GALNT7: variants seen among roughly 807,000 people sequenced by gnomAD.
GALNT7 encodes the protein polypeptide N-acetylgalactosaminyltransferase 7, also known as N-acetylgalactosaminyltransferase 7.
Under a neutral mutation model 82.1 loss-of-function variants are expected in GALNT7, and 60 were observed. The ratio of observed to expected loss-of-function variants is 0.73; its 90% confidence interval spans 0.59 to 0.91. GALNT7 has a LOEUF of 0.91. GALNT7 is among the 40% of genes least tolerant of loss of function. The pLI, the probability that GALNT7 is intolerant of heterozygous loss-of-function variation, is 0.00. For missense variants in GALNT7, 660 were observed against 804.2 expected, an observed-to-expected ratio of 0.82 and a Z score of 2.17; for synonymous variants, 243 against 275.1, an observed-to-expected ratio of 0.88 and a Z score of 1.15.
chr4:173,202,003 T>G (rs1384706275), intron 1 of GALNT7, among the ~76,000 whole-genome samples: 1 of 152,248 alleles, frequency 6.6e-6, no homozygotes, highest in East Asian at 1.9e-4. Flanking sequence ...TATGGACTGT[T>G]CATTAGGAAG....
rs1461285992 is a variant in GALNT7, at chr4:173,285,390, TC to T, written c.588-6715del. On this transcript the variant is annotated intron_variant, in intron 2 of 11. Transcript: ENST00000265000. ...TAGGAGCATGGTCACTTCTATTTGT[TC>T]CCAGACCATACTAATTGTGAAGCAG... 2.6e-4 allele frequency among the ~76,000 whole-genome samples: 39 copies of T among 152,220 alleles called. 1 individual carries two copies. Among genetic ancestry groups the T allele is most frequent in the Admixed American group, 2.0e-3 (31 of 15,282 alleles).
At chr4:173,284,926 C>A (rs1044563315) in intron 2 of GALNT7, among the ~76,000 whole-genome samples, 1 of 152,042 alleles carries the variant, frequency 6.6e-6, no homozygotes, top group Non-Finnish European at 1.5e-5. Flanking sequence ...TATTTTATAA[C>A]CCTTTACAAG....
intron 1 of GALNT7, among the ~76,000 whole-genome samples, chr4:173,210,644 G>A (rs1306379816): frequency 6.6e-6 from 1 of 151,938 alleles, no homozygotes; most frequent in East Asian, 1.9e-4. Flanking sequence ...CGTTGCCCAA[G>A]CTGGTCTGGA....
At chr4:173,204,150 A>G (rs952216166) in intron 1 of GALNT7, among the ~76,000 whole-genome samples, 3 of 152,162 alleles carry the variant, frequency 2.0e-5, no homozygotes, top group Non-Finnish European at 2.9e-5. Context: ...CTCTGAATGT[A>G]TCATCTCACT....
intron 1 of GALNT7, among the ~76,000 whole-genome samples, chr4:173,197,558 G>C (rs1464386591): frequency 1.3e-5 from 2 of 152,182 alleles, no homozygotes; most frequent in Admixed American, 1.3e-4. Flanking sequence ...TTGATGTGTA[G>C]ATTCCGTAGT....
At chr4:173,200,352 A>AAT (rs1732907757) in intron 1 of GALNT7, among the ~76,000 whole-genome samples, 1 of 152,100 alleles carries the variant, frequency 6.6e-6, no homozygotes, top group Non-Finnish European at 1.5e-5. Flanking sequence ...TCTGTTTAGA[A>AAT]CTATTTTCAG....
At chr4:173,178,039 GT>G (rs1732112665) in intron 1 of GALNT7, among the ~76,000 whole-genome samples, 2 of 121,434 alleles carry the variant, frequency 1.6e-5, no homozygotes, top group Non-Finnish European at 3.4e-5. Flanking sequence ...GTGTGTGTGT[GT>G]GTGTGTGTGT....
chr4:173,321,569 G>C lies in GALNT7; in HGVS notation c.1837-11G>C. On this transcript the variant is annotated splice_polypyrimidine_tract_variant and intron_variant, in intron 11 of 11. Coordinates refer to ENST00000265000, the MANE Select transcript of GALNT7 (RefSeq NM_017423.3). Reference sequence around the variant, plus strand: ...CCAAATTTGAAACTTTTTTCTTACTGTGTTTTCCAGAACCTGCACAGATTT... The same window carrying C: ...CCAAATTTGAAACTTTTTTCTTACTCTGTTTTCCAGAACCTGCACAGATTT... 1 of 1,605,880 alleles carries C rather than the reference G, an allele frequency of 6.2e-7. No homozygotes were observed. The highest frequency in any genetic ancestry group is 8.5e-7 in the Non-Finnish European group (1 of 1,174,634).
At chr4:173,265,971 G>A (rs1260099947) in intron 2 of GALNT7, among the ~76,000 whole-genome samples, 1 of 151,932 alleles carries the variant, frequency 6.6e-6, no homozygotes, top group Non-Finnish European at 1.5e-5. Flanking sequence ...TAGAATTTTA[G>A]AACTGGCCAG....
At chr4:173,306,750 T>A (rs552564372) in intron 8 of GALNT7, among the ~76,000 whole-genome samples, 15 of 152,252 alleles carry the variant, frequency 9.9e-5, no homozygotes, top group Non-Finnish European at 2.1e-4. Context: ...TGTGTTTGAT[T>A]GAAGGTAACT....
chr4:173,193,914 G>A (rs1045878222), intron 1 of GALNT7, among the ~76,000 whole-genome samples: 2 of 151,992 alleles, frequency 1.3e-5, no homozygotes, highest in Non-Finnish European at 2.9e-5. Context: ...TTAAAAGGAG[G>A]CTAAATATAT....
chr4:173,295,886 C>T, intron 5 of GALNT7, 43 bp downstream of exon 5: 1 of 1,101,292 alleles, frequency 9.1e-7, no homozygotes, highest in Non-Finnish European at 1.4e-6. Flanking sequence ...TGAAAGTAAA[C>T]CTTGTCCTAG....
intron 1 of GALNT7, among the ~76,000 whole-genome samples, chr4:173,204,339 T>G (rs1733027232): frequency 6.6e-6 from 1 of 152,034 alleles, no homozygotes; most frequent in Non-Finnish European, 1.5e-5. Flanking sequence ...TGAGTGTAGA[T>G]TGTTGGCCTT....
intron 2 of GALNT7, among the ~76,000 whole-genome samples, chr4:173,281,395 C>T (rs1419948845): frequency 1.3e-5 from 2 of 152,138 alleles, no homozygotes; most frequent in African/African-American, 2.4e-5. Context: ...CTCTGAAGCC[C>T]GCTTGTCTAC....
intron 1 of GALNT7, among the ~76,000 whole-genome samples, chr4:173,180,914 T>C (rs1732229134): frequency 6.6e-6 from 1 of 152,230 alleles, no homozygotes; most frequent in African/African-American, 2.4e-5. Flanking sequence ...AGGTGTGCTG[T>C]GCCTTTACAG....
Position 173,248,364 on chromosome 4 carries a change from A to G in GALNT7, c.511A>G (p.Lys171Glu). 1.2e-6 allele frequency: 2 copies of G among 1,613,844 alleles called. No individual in the cohort carries two copies. The highest frequency in any genetic ancestry group is 1.7e-4 in the Middle Eastern group (1 of 6,056). Reference sequence around the variant, plus strand: ...CAAACAAGCAATTCAAGCCAGCATTAAAGAGTTTGGATTTAACATGGTGGC... The same window carrying G: ...CAAACAAGCAATTCAAGCCAGCATTGAAGAGTTTGGATTTAACATGGTGGC... The part of the protein sequence containing the change: ...EFKQAIQASI[K>E]EFGFNMVASD... Residue 171 changes from lysine to glutamate, a missense_variant, in exon 2 of 12, where the codon AAA (lysine) becomes GAA (glutamate). Around this residue, in one of 2 missense-constraint regions of GALNT7, gnomAD observed 527 missense variants for 683.5 expected, o/e 0.77. Transcript: ENST00000265000.
At chr4:173,304,238 C>G in intron 8 of GALNT7, 120 bp downstream of exon 8, 1 of 724,198 alleles carries the variant, frequency 1.4e-6, no homozygotes, top group Non-Finnish European at 2.2e-6. Context: ...TGTTGATTCT[C>G]ACCTTTAACT....
At chr4:173,246,621 C>T (rs1254023862) in intron 1 of GALNT7, among the ~76,000 whole-genome samples, 3 of 152,114 alleles carry the variant, frequency 2.0e-5, no homozygotes, top group Non-Finnish European at 4.4e-5. Context: ...CAAGACTTAG[C>T]GATCCCTTGA....
chr4:173,237,988 C>T (rs922484887), intron 1 of GALNT7, among the ~76,000 whole-genome samples: 7 of 152,046 alleles, frequency 4.6e-5, no homozygotes, highest in Non-Finnish European at 1.0e-4. Flanking sequence ...TAAGCCATTC[C>T]CCTTTCTCCA....
Sources: gnomAD v4.1 joint callset for allele counts (sites outside exome capture counted in the v4.1 genomes callset) on GRCh38, gnomAD v4.1.1 for gene constraint, gnomAD v4.1.1 regional missense constraint, MANE v1.5 for transcripts, NCBI Gene and HGNC (gene_info 2026-07-23, HGNC 2026-07-21) for gene names.